The following ASH1L variants were observed in gnomAD, a reference collection of about 807,000 sequenced individuals.
ASH1L encodes histone-lysine N-methyltransferase ASH1L.
A neutral mutation model predicts 269.0 loss-of-function variants in ASH1L; 23 were observed. That is an observed-to-expected ratio of 0.09 (90% confidence interval 0.06 to 0.12). ASH1L has a LOEUF of 0.12. Among genes scored for constraint, ASH1L ranks in the 10% least tolerant of loss-of-function variants. The pLI is 1.00. For synonymous variants in ASH1L, 1,187 were observed against 1,253.5 expected (o/e 0.95, Z 1.12); for missense variants, 2,912 against 3,567.8 (o/e 0.82, Z 4.68).
chr1:155,340,870 AG>A (rs1282400130), intron 25 of ASH1L, among the ~76,000 whole-genome samples: 2 of 151,346 alleles, frequency 1.3e-5, no homozygotes, highest in Admixed American at 1.3e-4. Flanking sequence ...CCTGGGCTCA[AG>A]TGATCCTCCT....
chr1:155,536,811 A>C (rs1670087885), intron 1 of ASH1L, among the ~76,000 whole-genome samples: 3 of 151,964 alleles, frequency 2.0e-5, no homozygotes, highest in Non-Finnish European at 4.4e-5. Context: ...GGGAGGCTGA[A>C]ATGGGCAGAT....
chr1:155,384,883 A>G (rs888637859), intron 7 of ASH1L, among the ~76,000 whole-genome samples: 10 of 151,512 alleles, frequency 6.6e-5, no homozygotes, highest in African/African-American at 2.4e-4. Context: ...CCCTCCTTCC[A>G]TGACTCCGAT....
intron 12 of ASH1L, among the ~76,000 whole-genome samples, chr1:155,368,200 T>C (rs1307339442): frequency 6.6e-6 from 1 of 152,128 alleles, no homozygotes; most frequent in African/African-American, 2.4e-5. Flanking sequence ...TCTCACCATC[T>C]TGCCTAGGCT....
chr1:155,429,926 C>T (rs1661475102), intron 5 of ASH1L, among the ~76,000 whole-genome samples: 1 of 152,060 alleles, frequency 6.6e-6, no homozygotes, highest in South Asian at 2.1e-4. Context: ...ACACCTCAGC[C>T]TCCCTAGTAG....
chr1:155,426,099 CTG>C (rs1004418207), intron 5 of ASH1L, among the ~76,000 whole-genome samples: 1 of 151,954 alleles, frequency 6.6e-6, no homozygotes, highest in African/African-American at 2.4e-5. Flanking sequence ...GGGTCTCACT[CTG>C]TCACCCAGGC....
At chr1:155,413,174 AT>A (rs908725947) in intron 6 of ASH1L, among the ~76,000 whole-genome samples, 20 of 150,488 alleles carry the variant, frequency 1.3e-4, no homozygotes, top group South Asian at 1.1e-3. Flanking sequence ...CAGAATGTTG[AT>A]TTTTTTTTTC....
At chr1:155,504,679 C>T (rs1220027127) in intron 2 of ASH1L, among the ~76,000 whole-genome samples, 1 of 152,010 alleles carries the variant, frequency 6.6e-6, no homozygotes. Flanking sequence ...CATGGTGAAA[C>T]CGCATCTCTA....
intron 5 of ASH1L, among the ~76,000 whole-genome samples, chr1:155,429,320 G>A (rs768633434): frequency 1.3e-5 from 2 of 152,020 alleles, no homozygotes; most frequent in Admixed American, 1.3e-4. Context: ...GTCACCCTGG[G>A]TGGATTGCAG....
intron 12 of ASH1L, among the ~76,000 whole-genome samples, chr1:155,367,133 A>G (rs1044247442): frequency 6.6e-6 from 1 of 151,478 alleles, no homozygotes; most frequent in African/African-American, 2.4e-5. Context: ...AGCTGGGACT[A>G]CAGGTGCATG....
intron 2 of ASH1L, among the ~76,000 whole-genome samples, chr1:155,507,688 A>T (rs865821556): frequency 2.0e-5 from 3 of 152,186 alleles, no homozygotes; most frequent in Non-Finnish European, 4.4e-5. Context: ...CCTGGGCAAC[A>T]CAACAAGACA....
chr1:155,516,634 A>T (rs1405144719), intron 2 of ASH1L, among the ~76,000 whole-genome samples: 3 of 152,240 alleles, frequency 2.0e-5, no homozygotes, highest in East Asian at 3.9e-4. Flanking sequence ...CTCTACAAAA[A>T]TAATTTTTTT....
chr1:155,482,691 T>A, intron 2 of ASH1L, among the ~76,000 whole-genome samples: 1 of 152,180 alleles, frequency 6.6e-6, no homozygotes, highest in East Asian at 1.9e-4. Flanking sequence ...CATTAGAGGG[T>A]CTTTAGAAAT....
intron 1 of ASH1L, among the ~76,000 whole-genome samples, chr1:155,525,587 G>GT (rs1669196780): frequency 6.6e-6 from 1 of 151,254 alleles, no homozygotes; most frequent in African/African-American, 2.4e-5. Context: ...AGAAAAACGT[G>GT]TAACACTTGC....
At chr1:155,433,163 G>A (rs1661733706) in intron 5 of ASH1L, 3 of 1,509,492 alleles carry the variant, frequency 2.0e-6, no homozygotes, top group Non-Finnish European at 2.7e-6. Flanking sequence ...CCCCAGCTTG[G>A]GGCGCCTTCC....
intron 2 of ASH1L, among the ~76,000 whole-genome samples, chr1:155,501,237 C>T (rs1050885280): frequency 2.6e-5 from 4 of 152,140 alleles, no homozygotes; most frequent in Admixed American, 2.0e-4. Flanking sequence ...GGTCTTGTTA[C>T]GTTGCCAAGG....
At chr1:155,543,545 C>T (rs1670588079) in intron 1 of ASH1L, among the ~76,000 whole-genome samples, 1 of 144,532 alleles carries the variant, frequency 6.9e-6, no homozygotes, top group African/African-American at 2.5e-5. Context: ...TTCAGTATGA[C>T]AAGGAGATGA....
chr1:155,500,506 G>C (rs1482028914), intron 2 of ASH1L, among the ~76,000 whole-genome samples: 1 of 151,956 alleles, frequency 6.6e-6, no homozygotes. Flanking sequence ...ACATGGAAGT[G>C]AAAACGCAGC....
Position 155,562,513 on chromosome 1 carries a change from C to A in ASH1L, c.-460G>T. 1 of 1,505,864 alleles carries A rather than the reference C, an allele frequency of 6.6e-7. No homozygotes were observed. The allele number at this position is 1,505,864 out of a possible 1,614,324, so 93.3% of individuals were successfully genotyped here. ...GGAGGGAGCGAAGGGCGCCTAGCGC[C>A]CCCCTCAACCTTCCACTCCTTCCTC... On this transcript the variant is annotated 5_prime_UTR_variant, in exon 1 of 28. Transcript: ENST00000392403.
intron 5 of ASH1L, among the ~76,000 whole-genome samples, chr1:155,421,995 C>G (rs535942284): frequency 1.3e-5 from 2 of 152,120 alleles, no homozygotes; most frequent in Non-Finnish European, 2.9e-5. Flanking sequence ...AATAACTGAT[C>G]CTATTAAAGA....
Sources: gnomAD v4.1 joint callset for allele counts (sites outside exome capture counted in the v4.1 genomes callset) on GRCh38, gnomAD v4.1.1 for gene constraint, MANE v1.5 for transcripts, NCBI Gene and HGNC (gene_info 2026-07-23, HGNC 2026-07-21) for gene names.